Variants in M1AP observed in about 807,000 individuals in gnomAD.
M1AP encodes meiosis 1 arrest protein.
In M1AP, 39 loss-of-function variants were observed where a neutral mutation model predicts 51.2. The observed-to-expected ratio is 0.76, with a 90% CI of 0.59 to 1.00. The LOEUF (loss-of-function observed/expected upper bound fraction) is 1.00. Ranked by LOEUF, M1AP falls within the 50% of genes least tolerant of loss-of-function variation. The pLI, the probability that M1AP is intolerant of heterozygous loss-of-function variation, is 0.00. For synonymous variants in M1AP, 251 were observed against 249.2 expected (o/e 1.01, Z -0.07); for missense variants, 545 against 641.2 (o/e 0.85, Z 1.62).
At chr2:74,626,400 G>A (rs2104787067) in intron 2 of M1AP, among the ~76,000 whole-genome samples, 1 of 151,600 alleles carries the variant, frequency 6.6e-6, no homozygotes, top group East Asian at 1.9e-4. Flanking sequence ...TACAGTTGCA[G>A]GCCACCATGT....
chr2:74,571,496 G>A (rs1678736246), intron 7 of M1AP, among the ~76,000 whole-genome samples: 1 of 152,168 alleles, frequency 6.6e-6, no homozygotes, highest in Admixed American at 6.5e-5. Flanking sequence ...AAAAACCAAA[G>A]ATGGAGTTAA....
At chr2:74,629,033 C>T (rs1682558731) in intron 2 of M1AP, 1 of 175,280 alleles carries the variant, frequency 5.7e-6, no homozygotes, top group Non-Finnish European at 1.2e-5. Flanking sequence ...AAGAACAATA[C>T]TAACTCTTGA....
At chr2:74,627,969 A>G (rs2104793198) in intron 2 of M1AP, among the ~76,000 whole-genome samples, 1 of 152,316 alleles carries the variant, frequency 6.6e-6, no homozygotes, top group South Asian at 2.1e-4. Context: ...ACATCCTCCT[A>G]TGTTCTATGG....
chr2:74,588,700 T>C (rs1485944153), intron 4 of M1AP, among the ~76,000 whole-genome samples: 1 of 151,982 alleles, frequency 6.6e-6, no homozygotes, highest in African/African-American at 2.4e-5. Context: ...GGCAGAGAGG[T>C]GACTGCAGGA....
At chr2:74,641,306 A>G (rs968029018) in intron 1 of M1AP, among the ~76,000 whole-genome samples, 4 of 152,178 alleles carry the variant, frequency 2.6e-5, no homozygotes, top group African/African-American at 7.2e-5. Context: ...TCTACTGGCT[A>G]CTTATACTTA....
intron 7 of M1AP, among the ~76,000 whole-genome samples, chr2:74,565,651 A>G (rs1678327345): frequency 6.6e-6 from 1 of 151,916 alleles, no homozygotes; most frequent in Admixed American, 6.6e-5. Flanking sequence ...ATATGGTGAA[A>G]CCCCATCTCT....
chr2:74,596,959 T>G (rs1680376932), intron 4 of M1AP, among the ~76,000 whole-genome samples: 1 of 152,086 alleles, frequency 6.6e-6, no homozygotes. Context: ...GCTGGAGGGA[T>G]GGATGGAGTG....
chr2:74,604,293 TTTCCTC>T (rs1156910578), intron 4 of M1AP, among the ~76,000 whole-genome samples: 1 of 152,192 alleles, frequency 6.6e-6, no homozygotes. Context: ...CCCTTTTCCT[TTTCCTC>T]TGCTTAGCTA....
intron 4 of M1AP, among the ~76,000 whole-genome samples, chr2:74,589,207 G>A (rs1679896250): frequency 6.6e-6 from 1 of 152,232 alleles, no homozygotes; most frequent in Non-Finnish European, 1.5e-5. Context: ...CTTATAGAGA[G>A]ATGAGCAAGT....
chr2:74,587,192 C>CTT (rs755884874), intron 4 of M1AP, among the ~76,000 whole-genome samples: 5 of 145,258 alleles, frequency 3.4e-5, no homozygotes, highest in Admixed American at 6.9e-5. Context: ...ATATATTTTC[C>CTT]TTTTTTTTTT....
chr2:74,622,273 C>T (rs1286647542), intron 2 of M1AP, among the ~76,000 whole-genome samples: 4 of 151,772 alleles, frequency 2.6e-5, no homozygotes, highest in Admixed American at 6.6e-5. Flanking sequence ...GAGTTTTGCT[C>T]TTGTTGCCCA....
At chr2:74,609,296 G>A (rs1050644379) in intron 3 of M1AP, among the ~76,000 whole-genome samples, 1 of 152,152 alleles carries the variant, frequency 6.6e-6, no homozygotes, top group Non-Finnish European at 1.5e-5. Context: ...ACAAATGAGT[G>A]AGATCATGCA....
At chr2:74,627,693 A>C (rs1476253331) in intron 2 of M1AP, among the ~76,000 whole-genome samples, 1 of 152,152 alleles carries the variant, frequency 6.6e-6, no homozygotes, top group South Asian at 2.1e-4. Context: ...GATTCCATTC[A>C]TATTACCTGG....
intron 2 of M1AP, among the ~76,000 whole-genome samples, chr2:74,633,850 T>C (rs1558696407): frequency 6.6e-6 from 1 of 152,200 alleles, no homozygotes; most frequent in Non-Finnish European, 1.5e-5. Flanking sequence ...GGTATGGCTA[T>C]TGCACCACCT....
intron 4 of M1AP, among the ~76,000 whole-genome samples, chr2:74,587,319 C>T (rs926797518): frequency 1.2e-4 from 19 of 152,162 alleles, no homozygotes; most frequent in Admixed American, 6.5e-4. Flanking sequence ...CTGCCTCAGC[C>T]TCCCGAGTAG....
At chr2:74,578,862 A>AT (rs11443928) in intron 5 of M1AP, among the ~76,000 whole-genome samples, 12,302 of 152,066 alleles carry the variant, frequency 0.081, 1,393 homozygotes, top group African/African-American at 0.25. Context: ...GTTTTCTTTC[A>AT]TTTTTTGTAG....
chr2:74,562,224 T>A lies in M1AP; in HGVS notation c.1274A>T (p.Asn425Ile). The change falls in exon 8 of 11, where the codon AAT (asparagine) becomes ATT (isoleucine). Residue 425 changes from asparagine (N) to isoleucine (I), a missense_variant. Asn to Ile is a moderately radical substitution (Grantham distance 149, BLOSUM62 -3). Transcript: ENST00000421985. ...PEDPHDDSLK[N>I]VESMLDSLEL... ...GATCTGGGCTCCACTTGCCTCCACA[T>A]TCTTAAGGCTATCATCATGTGGGTC... The A allele has an allele frequency of 6.2e-7, 1 of 1,611,254 alleles. No homozygotes were observed.
intron 7 of M1AP, among the ~76,000 whole-genome samples, chr2:74,573,054 A>AT (rs532703433): frequency 3.3e-4 from 49 of 149,408 alleles, no homozygotes; most frequent in East Asian, 1.8e-3. Flanking sequence ...TATTATTACT[A>AT]TTTTTTTTTT....
intron 5 of M1AP, chr2:74,576,967 C>T: frequency 9.7e-7 from 1 of 1,035,006 alleles, no homozygotes; most frequent in Non-Finnish European, 1.2e-6. Flanking sequence ...CATGTATCCT[C>T]TGTGGAGGAG....
Sources: allele counts gnomAD v4.1 joint callset (sites outside exome capture counted in the v4.1 genomes callset), GRCh38; gene constraint gnomAD v4.1.1; transcripts MANE v1.5; gene names NCBI Gene and HGNC (gene_info 2026-07-23, HGNC 2026-07-21).